The following CCDC102B variants were observed in gnomAD, a reference collection of about 807,000 sequenced individuals.
CCDC102B encodes coiled-coil domain containing 102B, also known as coiled-coil domain-containing protein 102B.
A neutral mutation model predicts 57.4 loss-of-function variants in CCDC102B; 75 were observed. The observed-to-expected ratio is 1.31, with a 90% CI of 1.08 to 1.58. CCDC102B has a LOEUF of 1.58. Ranked by LOEUF, CCDC102B falls within the 40% of genes most tolerant of loss-of-function variation. The pLI, the probability that CCDC102B is intolerant of heterozygous loss-of-function variation, is 0.00. For missense variants in CCDC102B, 636 were observed against 582.6 expected, an observed-to-expected ratio of 1.09 and a Z score of -0.94; for synonymous variants, 206 against 201.9, an observed-to-expected ratio of 1.02 and a Z score of -0.17.
At chr18:68,759,551 C>T (rs1380573081) in intron 2 of CCDC102B, among the ~76,000 whole-genome samples, 1 of 151,994 alleles carries the variant, frequency 6.6e-6, no homozygotes, top group African/African-American at 2.4e-5. Context: ...GGCCAGAAGA[C>T]AATGGAACAA....
At chr18:68,860,475 C>CAACA (rs1220531432) in intron 4 of CCDC102B, among the ~76,000 whole-genome samples, 11 of 53,060 alleles carry the variant, frequency 2.1e-4, no homozygotes, top group Non-Finnish European at 4.9e-4. Flanking sequence ...AAAACAAAAA[C>CAACA]AAAAAAAAAA....
At chr18:68,760,865 C>G (rs929455062) in intron 2 of CCDC102B, among the ~76,000 whole-genome samples, 3 of 152,050 alleles carry the variant, frequency 2.0e-5, no homozygotes, top group African/African-American at 7.2e-5. Context: ...TTCAGGATAG[C>G]TAGATGGCAG....
At chr18:69,044,571 T>C (rs1413140574) in intron 7 of CCDC102B, among the ~76,000 whole-genome samples, 1 of 152,192 alleles carries the variant, frequency 6.6e-6, no homozygotes, top group Non-Finnish European at 1.5e-5. Context: ...CTGAGGACCA[T>C]TATTTCTATG....
At chr18:69,057,600 G>A (rs974417426), downstream of CCDC102B, among the ~76,000 whole-genome samples, 1 of 152,150 alleles carries the variant, frequency 6.6e-6, no homozygotes, top group South Asian at 2.1e-4. Flanking sequence ...CAAATGGTTA[G>A]AGCAGGTTAT....
Position 68,836,839 on chromosome 18 carries a change from C to A in CCDC102B, c.76C>A (p.Arg26Ser), listed in dbSNP as rs1435323421. ...FQMQQSSIKS[R>S]GDMVAPASPP... ...GATGCAACAATCATCAATTAAGTCA[C>A]GCGGCGACATGGTGGCACCTGCCTC... Residue 26 changes from arginine to serine, a missense_variant, in exon 2 of 8, where the codon CGC becomes AGC. Physicochemically the swap from Arg to Ser is moderately radical, Grantham distance 110. Transcript: ENST00000360242. The A allele has an allele frequency of 6.2e-7, 1 of 1,613,970 alleles. No individual in the cohort carries two copies. The highest frequency in any genetic ancestry group is 1.1e-5 in the South Asian group (1 of 91,078).
chr18:68,848,292 A>G (rs1429253624), intron 4 of CCDC102B, among the ~76,000 whole-genome samples: 1 of 151,902 alleles, frequency 6.6e-6, no homozygotes, highest in South Asian at 2.1e-4. Flanking sequence ...TTTTTCCTCA[A>G]CAATTCTGAT....
rs111914241 is a variant in CCDC102B, at chr18:69,016,668, G to T, written c.1434+5564G>T. On this transcript the variant is annotated intron_variant, in intron 7 of 7. Transcript: ENST00000360242. The stretch of plus-strand genomic sequence containing the variant: ...TGACCAGTTTTTATATTGTTTTGTA[G>T]TATTCATAGTTGGCATTTCAAGCAA... 3.9e-4 allele frequency among the ~76,000 whole-genome samples: 59 copies of T among 152,200 alleles called. 2 individuals are homozygous for T. The highest frequency in any genetic ancestry group is 1.4e-3 in the African/African-American group (58 of 41,532).
downstream of CCDC102B, among the ~76,000 whole-genome samples, chr18:69,057,755 G>C (rs1431471958): frequency 6.6e-6 from 1 of 151,966 alleles, no homozygotes; most frequent in Non-Finnish European, 1.5e-5. Flanking sequence ...AGCAAGTCCT[G>C]GTTCAAAGAA....
intron 2 of CCDC102B, among the ~76,000 whole-genome samples, chr18:68,838,023 T>C (rs1290939771): frequency 6.6e-6 from 1 of 152,200 alleles, no homozygotes; most frequent in Non-Finnish European, 1.5e-5. Context: ...AACTTGACTA[T>C]TCATTGAGAT....
chr18:68,852,016 C>A (rs2038149446), intron 4 of CCDC102B, among the ~76,000 whole-genome samples: 1 of 151,958 alleles, frequency 6.6e-6, no homozygotes, highest in Admixed American at 6.6e-5. Context: ...CCTTAAAGAC[C>A]CTCCTCTTAT....
intron 3 of CCDC102B, among the ~76,000 whole-genome samples, chr18:68,843,082 CTG>C (rs2037709202): frequency 6.6e-6 from 1 of 152,138 alleles, no homozygotes; most frequent in Non-Finnish European, 1.5e-5. Context: ...ATTAAATTAA[CTG>C]TATATGGCTT....
chr18:68,855,597 T>C (rs1468799939), intron 4 of CCDC102B, among the ~76,000 whole-genome samples: 1 of 152,154 alleles, frequency 6.6e-6, no homozygotes, highest in Non-Finnish European at 1.5e-5. Flanking sequence ...CAAGAAGAAC[T>C]CAGTGTATAT....
At chr18:68,968,529 G>C (rs1366091141) in intron 6 of CCDC102B, among the ~76,000 whole-genome samples, 2 of 152,066 alleles carry the variant, frequency 1.3e-5, no homozygotes, top group African/African-American at 4.8e-5. Context: ...CCTTCGAAAG[G>C]TGTCATGTGC....
chr18:68,932,624 A>G lies in CCDC102B; in HGVS notation c.1263+35196A>G, dbSNP rs73463849. The stretch of plus-strand genomic sequence containing the variant: ...TTCCTAGAGATTAATTATTCTACCT[A>G]TTCAACAATATCTTAGTTTGAGATT... On this transcript the variant is annotated intron_variant, in intron 6 of 7. Transcript: ENST00000360242. Among the ~76,000 whole-genome samples, 828 of 152,066 alleles carry G rather than the reference A, an allele frequency of 5.4e-3. 5 individuals are homozygous for G. The highest frequency in any genetic ancestry group is 0.018 in the African/African-American group (768 of 41,528).
rs581492 is a variant in CCDC102B, at chr18:68,773,526, C to T, written c.-66-49840C>T. Among the ~76,000 whole-genome samples, 550 of 151,882 alleles carry T rather than the reference C, an allele frequency of 3.6e-3. 2 individuals are homozygous for T. Among genetic ancestry groups the T allele is most frequent in the African/African-American group, 0.013 (521 of 41,504 alleles). On this transcript the variant is annotated intron_variant, in intron 2 of 3. Transcript: ENST00000578970. ...CTAAATTGCCTCGTTATATTGTACC[C>T]TAATATAAATGTATTTTAATTGTAA...
intron 7 of CCDC102B, among the ~76,000 whole-genome samples, chr18:69,033,640 A>G (rs2052208366): frequency 6.6e-6 from 1 of 152,012 alleles, no homozygotes; most frequent in African/African-American, 2.4e-5. Flanking sequence ...TGTATGGTTC[A>G]TTCATCAGTT....
intron 2 of CCDC102B, among the ~76,000 whole-genome samples, chr18:68,781,585 T>A (rs2035009645): frequency 6.6e-6 from 1 of 152,178 alleles, no homozygotes; most frequent in South Asian, 2.1e-4. Context: ...TTCTGTGTAA[T>A]ATATAGTTTA....
At chr18:68,960,734 C>CATT (rs2050024937) in intron 6 of CCDC102B, among the ~76,000 whole-genome samples, 2 of 152,178 alleles carry the variant, frequency 1.3e-5, no homozygotes, top group Admixed American at 1.3e-4. Context: ...TCTAAATGCT[C>CATT]ATTCTGTGAG....
chr18:68,916,282 C>A (rs2041071219), intron 6 of CCDC102B, among the ~76,000 whole-genome samples: 1 of 152,094 alleles, frequency 6.6e-6, no homozygotes, highest in African/African-American at 2.4e-5. Context: ...CAGTAGACTA[C>A]CACAGCATGT....
Sources: allele counts gnomAD v4.1 joint callset (sites outside exome capture counted in the v4.1 genomes callset), GRCh38; gene constraint gnomAD v4.1.1; transcripts MANE v1.5; gene names NCBI Gene and HGNC (gene_info 2026-07-23, HGNC 2026-07-21).